Variants in MYOM2 observed in about 807,000 individuals in gnomAD.
MYOM2 encodes myomesin 2.
In MYOM2, 254 loss-of-function variants were observed where a neutral mutation model predicts 187.6. That is an observed-to-expected ratio of 1.35 (90% CI 1.22 to 1.50). The LOEUF (loss-of-function observed/expected upper bound fraction) is 1.50, where lower values mean the gene tolerates loss of function less well. Ranked by LOEUF, MYOM2 falls within the 40% of genes most tolerant of loss-of-function variation. The pLI is 0.00. For missense variants in MYOM2, 2,796 were observed against 1,924.0 expected (o/e 1.45, Z -8.48); for synonymous variants, 981 against 753.8 (o/e 1.30, Z -4.94).
chr8:2,057,341 C>T lies in MYOM2; in HGVS notation c.264-7C>T. 1 of 1,595,492 alleles carries T rather than the reference C, an allele frequency of 6.3e-7. No homozygotes were observed. Among genetic ancestry groups the T allele is most frequent in the Non-Finnish European group, 8.5e-7 (1 of 1,170,722 alleles). ...CTGCAACTGAGGCTGCTTCTCGGCT[C>T]CTGCAGGTACCAGTCCCTGGTGGCC... On this transcript the variant is annotated splice_region_variant and splice_polypyrimidine_tract_variant and intron_variant, in intron 3 of 36. Coordinates refer to ENST00000262113, the MANE Select transcript of MYOM2 (RefSeq NM_003970.4).
chr8:2,116,231 T>C lies in MYOM2; in HGVS notation c.3341T>C (p.Leu1114Pro). 1.2e-6 allele frequency: 2 copies of C among 1,612,144 alleles called. No homozygotes were observed. The highest frequency in any genetic ancestry group is 2.2e-5 in the South Asian group (2 of 90,572). The change falls in exon 27 of 37, where the codon CTG becomes CCG. Residue 1114 changes from leucine to proline, a missense_variant. Physicochemically the swap from Leu to Pro is moderately conservative, Grantham distance 98 (BLOSUM62 -3). Transcript: ENST00000262113. ...VLIGDAFKTVLEEAEFQRKEF... is the reference protein window; with the variant it reads ...VLIGDAFKTVPEEAEFQRKEF... ...TTGAATTTAGCATTCAAGACTGTGC[T>C]GGAAGAGGCTGAGTTTCAAAGGAAA...
chr8:2,140,772 G>A lies in MYOM2; in HGVS notation c.3850G>A (p.Glu1284Lys), dbSNP rs779805082. 1 of 1,614,128 alleles carries A rather than the reference G, an allele frequency of 6.2e-7. No homozygotes were observed. Among genetic ancestry groups the A allele is most frequent in the South Asian group, 1.1e-5 (1 of 91,080 alleles). The change falls in exon 33 of 37, where the codon GAG becomes AAG. Residue 1284 changes from glutamate to lysine, a missense_variant. By Grantham distance (56) the Glu-to-Lys change is moderately conservative. Coordinates refer to ENST00000262113, the MANE Select transcript of MYOM2 (RefSeq NM_003970.4). ...SEHMRIGGSE[E>K]MAWLQICEPT... ...GCATATGAGAATCGGGGGGAGTGAAGAGATGGCTTGGCTGCAGATATGTGA... is the reference window on the plus strand; with the variant it reads ...GCATATGAGAATCGGGGGGAGTGAAAAGATGGCTTGGCTGCAGATATGTGA...
At chr8:2,132,013 C>A (rs1375599794) in intron 32 of MYOM2, among the ~76,000 whole-genome samples, 1 of 152,150 alleles carries the variant, frequency 6.6e-6, no homozygotes, top group Non-Finnish European at 1.5e-5. Context: ...GACTATTAAA[C>A]AACATGAAAC....
chr8:2,052,668 T>C (rs924360496), intron 3 of MYOM2, among the ~76,000 whole-genome samples: 8 of 152,194 alleles, frequency 5.3e-5, no homozygotes, highest in African/African-American at 1.7e-4. Context: ...GCTCAGTCCC[T>C]TTCCAGACAG....
chr8:2,124,374 G>A (rs1216605540), intron 31 of MYOM2, among the ~76,000 whole-genome samples, 157 bp downstream of exon 31: 6 of 152,158 alleles, frequency 3.9e-5, no homozygotes, highest in East Asian at 1.9e-4. Flanking sequence ...ATCTGCTGCC[G>A]ATGAAGCTTT....
Position 2,140,876 on chromosome 8 carries a change from G to C in MYOM2, c.3954G>C (p.Leu1318=). The C allele has an allele frequency of 6.2e-7, 1 of 1,610,248 alleles. No homozygotes were observed. The change falls in exon 33 of 37, where the codon CTG becomes CTC. Residue 1318 remains leucine (L), a synonymous_variant. Transcript: ENST00000262113. ...ACAACCATCAACGCTCCCTTGACCT[G>C]TCCGGACAAGGTAAGAGAATTCTTC... ...GKDNHQRSLD[L]SGQAFDEAFA...
intron 25 of MYOM2, among the ~76,000 whole-genome samples, chr8:2,114,932 G>C (rs1405710697): frequency 6.6e-6 from 1 of 152,120 alleles, no homozygotes; most frequent in African/African-American, 2.4e-5. Context: ...ACAAGGAAGA[G>C]ATGGTCTAAT....
Position 2,079,559 on chromosome 8 carries a change from G to T in MYOM2, c.1463-1G>T, listed in dbSNP as rs1819550384. On this transcript the variant is annotated splice_acceptor_variant, in intron 12 of 36. Transcript: ENST00000262113. LOFTEE classifies it high-confidence loss of function. ...TCGAGTGTCAACCTTTCTCTCCGCA[G>T]CCGTTCATTTGGAGGGAGAGAAGGA... 6.2e-7 allele frequency: 1 copy of T among 1,614,010 alleles called. No individual in the cohort carries two copies. The highest frequency in any genetic ancestry group is 1.3e-5 in the African/African-American group (1 of 74,910).
At chr8:2,055,679 C>G (rs1186624805) in intron 3 of MYOM2, among the ~76,000 whole-genome samples, 1 of 152,188 alleles carries the variant, frequency 6.6e-6, no homozygotes, top group African/African-American at 2.4e-5. Flanking sequence ...TAACACCAGG[C>G]CTTAGTCTTA....
intron 19 of MYOM2, among the ~76,000 whole-genome samples, chr8:2,100,049 T>G (rs1212333975): frequency 1.6e-5 from 1 of 61,478 alleles, no homozygotes; most frequent in Admixed American, 1.5e-4. Flanking sequence ...TCCTTCCTTC[T>G]TTCCTTCCTT....
At chr8:2,073,962 A>C (rs1366394049) in intron 10 of MYOM2, among the ~76,000 whole-genome samples, 1 of 152,054 alleles carries the variant, frequency 6.6e-6, no homozygotes, top group Non-Finnish European at 1.5e-5. Flanking sequence ...CAGTGCTGTG[A>C]CCTCCACCAC....
At chr8:2,052,786 A>T (rs981399046) in intron 3 of MYOM2, among the ~76,000 whole-genome samples, 1 of 152,242 alleles carries the variant, frequency 6.6e-6, no homozygotes, top group Non-Finnish European at 1.5e-5. Context: ...GGAGGGGTGC[A>T]CATTCAAGCA....
chr8:2,100,813 T>G, intron 19 of MYOM2, 63 bp from the exon 20 acceptor site: 2 of 1,561,368 alleles, frequency 1.3e-6, no homozygotes. Context: ...CGGGGCTGGG[T>G]TGGGCGGTGG....
chr8:2,110,221 G>T (rs1797023358), intron 25 of MYOM2, among the ~76,000 whole-genome samples: 1 of 152,182 alleles, frequency 6.6e-6, no homozygotes. Flanking sequence ...TACTTAGGAG[G>T]CTGATGTGGG....
chr8:2,090,537 G>A lies in MYOM2; in HGVS notation c.1828+346G>A, dbSNP rs144751901. Among the ~76,000 whole-genome samples the A allele has an allele frequency of 1.7e-3, 266 of 152,280 alleles. 3 individuals are homozygous for A. The East Asian group carries it at 0.042, about 24-fold the overall frequency. ...TCTTACATAGGTAAACTTGTGTCATGGGGGTTTGTTGTAAAGATTATTTCG... is the reference window on the plus strand; with the variant it reads ...TCTTACATAGGTAAACTTGTGTCATAGGGGTTTGTTGTAAAGATTATTTCG... On this transcript the variant is annotated intron_variant, in intron 15 of 36. Transcript: ENST00000262113.
chr8:2,096,426 A>G lies in MYOM2; in HGVS notation c.2305A>G (p.Ile769Val), dbSNP rs755652009. 1.8e-4 allele frequency: 298 copies of G among 1,613,804 alleles called. No individual in the cohort carries two copies. The highest frequency in any genetic ancestry group is 2.4e-4 in the Non-Finnish European group (280 of 1,179,952). ...EVNSSPSKPT[I>V]LTVDGLTEGS... ...CAATTCCTCACCCAGCAAACCGACA[A>G]TCCTAACGGTCAGTTGGTTTTTATT... The change falls in exon 18 of 37, where the codon ATC becomes GTC. Residue 769 changes from isoleucine (I) to valine (V), a missense_variant. Transcript: ENST00000262113.
intron 35 of MYOM2, 74 bp from the exon 36 acceptor site, chr8:2,143,326 TG>T: frequency 6.4e-7 from 1 of 1,551,446 alleles, no homozygotes; most frequent in South Asian, 1.1e-5. Context: ...TGGTACCCAC[TG>T]CTGCTTACAT....
intron 28 of MYOM2, chr8:2,119,167 T>C (rs1172527290): frequency 1.3e-5 from 2 of 152,354 alleles, no homozygotes; most frequent in African/African-American, 2.4e-5. Flanking sequence ...GGGAAAGTCA[T>C]CTGGAGCATG....
chr8:2,102,883 G>A (rs112416400), intron 21 of MYOM2, 102 bp downstream of exon 21: 1 of 891,578 alleles, frequency 1.1e-6, no homozygotes. Context: ...ATGAGTGGGA[G>A]AGTGAACACG....
Sources: gnomAD v4.1 joint callset for allele counts (sites outside exome capture counted in the v4.1 genomes callset) on GRCh38, gnomAD v4.1.1 for gene constraint, MANE v1.5 for transcripts, NCBI Gene and HGNC (gene_info 2026-07-23, HGNC 2026-07-21) for gene names.